Variants in MACROD2 observed in about 807,000 individuals in gnomAD.
The protein encoded by MACROD2 is ADP-ribose glycohydrolase MACROD2.
MACROD2 carries 36 observed loss-of-function variants against 70.4 expected under a neutral mutation model. The ratio of observed to expected loss-of-function variants is 0.51; its 90% CI spans 0.39 to 0.68. The LOEUF is 0.68. Ranked by LOEUF, MACROD2 falls within the 30% of genes least tolerant of loss-of-function variation. The probability of loss-of-function intolerance (pLI) is 0.00; values close to 1 mark genes in which losing one functional copy is unlikely to be tolerated. For missense variants in MACROD2, 496 were observed against 538.4 expected (o/e 0.92, Z 0.78); for synonymous variants, 172 against 178.8 (o/e 0.96, Z 0.30).
intron 8 of MACROD2, among the ~76,000 whole-genome samples, chr20:15,649,207 C>CTTCTTTCTTTCTTTCTTTCTTTCTTTCT (rs146662837): frequency 1.8e-4 from 25 of 137,770 alleles, no homozygotes; most frequent in African/African-American, 6.3e-4. Context: ...TCTTTCTTTC[C>CTTCTTTCTTTCTTTCTTTCTTTCTTTCT]TTCTTTCTTT....
At position 15,633,123 on chromosome 20, in the gene MACROD2, A is replaced by G. The variant is rs192775361; in HGVS notation, c.645+133276A>G. 3.0e-4 allele frequency among the ~76,000 whole-genome samples: 45 copies of G among 152,306 alleles called. 1 individual carries two copies. Among genetic ancestry groups the G allele is most frequent in the Non-Finnish European group, 3.5e-4 (24 of 68,036 alleles). On this transcript the variant is annotated intron_variant, in intron 8 of 17. Transcript: ENST00000684519. ...TTCAACTGTGTGGTTTATTACACAT[A>G]TGTATCTCATTGATGTTTTTTGTGG...
intron 12 of MACROD2, among the ~76,000 whole-genome samples, chr20:15,948,733 A>G (rs1395226680): frequency 6.6e-6 from 1 of 152,196 alleles, no homozygotes; most frequent in African/African-American, 2.4e-5. Flanking sequence ...GGCAATTGGA[A>G]GGTAAGTGGT....
At position 15,947,253 on chromosome 20, in the gene MACROD2, G is replaced by A. The variant is rs189733038; in HGVS notation, c.907+9709G>A. On this transcript the variant is annotated intron_variant, in intron 12 of 17. Transcript: ENST00000684519. Reference sequence around the variant, plus strand: ...TCAGCACAGACCCTTCACAGGTGTCGGGCTGGGGGATGGTCAGGTCTTTCC... The same window carrying A: ...TCAGCACAGACCCTTCACAGGTGTCAGGCTGGGGGATGGTCAGGTCTTTCC... 2.6e-5 allele frequency among the ~76,000 whole-genome samples: 4 copies of A among 152,162 alleles called. No homozygotes were observed. The East Asian group carries it at 5.8e-4, about 22-fold the overall frequency.
intron 5 of MACROD2, among the ~76,000 whole-genome samples, chr20:15,023,696 T>A (rs2075207810): frequency 6.6e-6 from 1 of 152,122 alleles, no homozygotes; most frequent in African/African-American, 2.4e-5. Context: ...GTGAAACTTA[T>A]TCACTATCAA....
intron 8 of MACROD2, among the ~76,000 whole-genome samples, chr20:15,709,560 G>A (rs2050593649): frequency 2.0e-5 from 3 of 152,074 alleles, no homozygotes; most frequent in Admixed American, 1.3e-4. Flanking sequence ...CCAGCTACTC[G>A]GGAAGCTGAG....
chr20:14,918,561 T>C (rs1236124660), intron 5 of MACROD2, among the ~76,000 whole-genome samples: 1 of 151,916 alleles, frequency 6.6e-6, no homozygotes, highest in Non-Finnish European at 1.5e-5. Flanking sequence ...TGTATTCCTC[T>C]AAAGTCATCT....
At chr20:15,135,919 A>T (rs1384918856) in intron 5 of MACROD2, among the ~76,000 whole-genome samples, 1 of 151,864 alleles carries the variant, frequency 6.6e-6, no homozygotes, top group Non-Finnish European at 1.5e-5. Flanking sequence ...TATACACCAA[A>T]AACAGACAAA....
chr20:15,332,325 G>C (rs1187073021), intron 6 of MACROD2, among the ~76,000 whole-genome samples: 2 of 151,458 alleles, frequency 1.3e-5, no homozygotes, highest in Non-Finnish European at 2.9e-5. Context: ...TCAATCTAAG[G>C]CTTTTATTTA....
chr20:15,779,466 A>ATT (rs570624163), intron 8 of MACROD2, among the ~76,000 whole-genome samples: 15 of 152,256 alleles, frequency 9.9e-5, no homozygotes, highest in African/African-American at 3.6e-4. Flanking sequence ...AACTCAACCA[A>ATT]TAACAGTTTG....
At chr20:14,978,254 C>T (rs2074760324) in intron 5 of MACROD2, among the ~76,000 whole-genome samples, 1 of 152,090 alleles carries the variant, frequency 6.6e-6, no homozygotes. Flanking sequence ...TGAGATTAAA[C>T]CATGTATATG....
chr20:15,409,406 CAAAGCAGGAGAATCAGAGTGTAGCAATGG>C (rs2046047020), intron 6 of MACROD2, among the ~76,000 whole-genome samples: 1 of 152,166 alleles, frequency 6.6e-6, no homozygotes, highest in South Asian at 2.1e-4. Flanking sequence ...TATAATTCTT[CAAAGCAGGAGAATCAGAGTGTAGCAATGG>C]AATGCAGAAA....
intron 4 of MACROD2, among the ~76,000 whole-genome samples, chr20:14,549,640 C>T (rs1978524165): frequency 6.6e-6 from 1 of 151,818 alleles, no homozygotes; most frequent in Non-Finnish European, 1.5e-5. Flanking sequence ...AATTTTAGCC[C>T]TCTGCCCAAT....
intron 5 of MACROD2, among the ~76,000 whole-genome samples, chr20:15,164,084 C>T (rs960136003): frequency 3.3e-5 from 5 of 151,926 alleles, no homozygotes; most frequent in South Asian, 2.1e-4. Context: ...ATTGTTATTT[C>T]GCAAAATTTA....
intron 8 of MACROD2, among the ~76,000 whole-genome samples, chr20:15,856,635 A>G (rs571261489): frequency 3.3e-5 from 5 of 152,328 alleles, no homozygotes; most frequent in Non-Finnish European, 7.4e-5. Flanking sequence ...GTCAGGACCT[A>G]TGCTATGCAC....
At chr20:15,286,896 G>T (rs6034145) in intron 6 of MACROD2, among the ~76,000 whole-genome samples, 22,567 of 152,008 alleles carry the variant, frequency 0.15, 1,860 homozygotes, top group Middle Eastern at 0.22. Flanking sequence ...GGTAGGCATG[G>T]GTTGGAGATA....
At chr20:15,887,000 T>C (rs2064830489) in intron 10 of MACROD2, among the ~76,000 whole-genome samples, 1 of 152,228 alleles carries the variant, frequency 6.6e-6, no homozygotes. Context: ...AGTCACAGTG[T>C]TCTGACCATG....
intron 3 of MACROD2, among the ~76,000 whole-genome samples, chr20:14,159,214 G>A (rs1161571510): frequency 1.3e-5 from 2 of 151,884 alleles, no homozygotes; most frequent in Non-Finnish European, 2.9e-5. Context: ...CTCCAGCCTG[G>A]GCAACAAGAG....
intron 8 of MACROD2, among the ~76,000 whole-genome samples, chr20:15,574,305 A>G (rs16996043): frequency 0.012 from 1,764 of 152,294 alleles, 36 homozygotes; most frequent in African/African-American, 0.041. Flanking sequence ...ATTAAAAAAC[A>G]TAATTCCAAG....
chr20:15,125,060 T>A (rs982976190), intron 5 of MACROD2, among the ~76,000 whole-genome samples: 1 of 152,102 alleles, frequency 6.6e-6, no homozygotes, highest in African/African-American at 2.4e-5. Flanking sequence ...ATAATGTGGT[T>A]TTCCACCTTT....
Sources: allele counts gnomAD v4.1 joint callset (sites outside exome capture counted in the v4.1 genomes callset), GRCh38; gene constraint gnomAD v4.1.1; transcripts MANE v1.5; gene names NCBI Gene and HGNC (gene_info 2026-07-23, HGNC 2026-07-21).